Variants in ITGA9 observed in about 807,000 individuals in gnomAD.
The protein encoded by ITGA9 is integrin subunit alpha 9.
ITGA9 carries 56 observed loss-of-function variants against 127.8 expected under a neutral mutation model. The ratio of observed to expected loss-of-function variants is 0.44; its 90% CI spans 0.35 to 0.55. The LOEUF is 0.55. ITGA9 is among the 20% of genes least tolerant of loss of function. The pLI, the probability that ITGA9 is intolerant of heterozygous loss-of-function variation, is 0.00. For synonymous variants in ITGA9, 508 were observed against 514.5 expected, an observed-to-expected ratio of 0.99 and a Z score of 0.17; for missense variants, 1,196 against 1,347.1, an observed-to-expected ratio of 0.89 and a Z score of 1.76.
At chr3:37,512,125 TTTTC>T in intron 8 of ITGA9, among the ~76,000 whole-genome samples, 6 of 12,414 alleles carry the variant, frequency 4.8e-4, no homozygotes, top group Non-Finnish European at 1.0e-3. Flanking sequence ...TCCTTCTTTC[TTTTC>T]TTTTCTTTTC....
intron 17 of ITGA9, 69 bp from the exon 18 acceptor site, chr3:37,683,795 TA>T: frequency 6.5e-7 from 1 of 1,528,150 alleles, no homozygotes; most frequent in South Asian, 1.1e-5. Context: ...CACCTTCAAC[TA>T]CCCCCTGTGC....
chr3:37,640,702 C>T (rs1700323769), intron 16 of ITGA9, among the ~76,000 whole-genome samples: 1 of 152,208 alleles, frequency 6.6e-6, no homozygotes, highest in Non-Finnish European at 1.5e-5. Context: ...CAGCCCACAC[C>T]TCCAGAACCC....
At chr3:37,514,024 T>G in intron 9 of ITGA9, 124 bp downstream of exon 9, 1 of 1,143,834 alleles carries the variant, frequency 8.7e-7, no homozygotes, top group Non-Finnish European at 1.3e-6. Context: ...GATGAAAATA[T>G]GTGATATCTG....
At chr3:37,546,371 T>A (rs1699326681) in intron 15 of ITGA9, among the ~76,000 whole-genome samples, 1 of 152,188 alleles carries the variant, frequency 6.6e-6, no homozygotes, top group Non-Finnish European at 1.5e-5. Context: ...GGGAATTGAC[T>A]GGGAACAACT....
At chr3:37,598,897 G>A (rs1007394413) in intron 15 of ITGA9, among the ~76,000 whole-genome samples, 2 of 152,082 alleles carry the variant, frequency 1.3e-5, no homozygotes, top group African/African-American at 4.8e-5. Flanking sequence ...TTGTGGGGAG[G>A]GCTGCACCAG....
At chr3:37,589,817 G>T (rs1027456249) in intron 15 of ITGA9, among the ~76,000 whole-genome samples, 11 of 152,172 alleles carry the variant, frequency 7.2e-5, no homozygotes, top group African/African-American at 2.7e-4. Flanking sequence ...AGGCCTGACC[G>T]TGTAGGGCCT....
intron 23 of ITGA9, among the ~76,000 whole-genome samples, chr3:37,771,688 C>G (rs1396154570): frequency 6.6e-6 from 1 of 152,192 alleles, no homozygotes; most frequent in Non-Finnish European, 1.5e-5. Flanking sequence ...TCGCAGCTGC[C>G]TTCCAGAAAC....
chr3:37,589,144 G>T (rs1699788281), intron 15 of ITGA9, among the ~76,000 whole-genome samples: 1 of 152,174 alleles, frequency 6.6e-6, no homozygotes, highest in African/African-American at 2.4e-5. Context: ...TGTGTAGGTG[G>T]AAGATGAGAT....
intron 26 of ITGA9, among the ~76,000 whole-genome samples, chr3:37,792,375 T>C (rs1697121871): frequency 6.6e-6 from 1 of 152,188 alleles, no homozygotes; most frequent in African/African-American, 2.4e-5. Context: ...GAATTCTATT[T>C]CCAGTTGAGG....
intron 23 of ITGA9, among the ~76,000 whole-genome samples, chr3:37,774,226 A>G (rs911609221): frequency 1.3e-5 from 2 of 152,212 alleles, no homozygotes; most frequent in Non-Finnish European, 2.9e-5. Context: ...ATGGGCTTTC[A>G]AATATTTATT....
intron 17 of ITGA9, among the ~76,000 whole-genome samples, chr3:37,670,732 C>T (rs887119984): frequency 6.6e-6 from 1 of 152,154 alleles, no homozygotes; most frequent in Non-Finnish European, 1.5e-5. Context: ...TGCTAAACTA[C>T]ACATTTGTGC....
chr3:37,522,984 G>A (rs1377205662), intron 11 of ITGA9, among the ~76,000 whole-genome samples: 1 of 152,170 alleles, frequency 6.6e-6, no homozygotes, highest in East Asian at 1.9e-4. Flanking sequence ...TAGATCATCT[G>A]GTTGGCTGGA....
chr3:37,497,598 C>T (rs982852076), intron 5 of ITGA9, among the ~76,000 whole-genome samples: 2 of 152,164 alleles, frequency 1.3e-5, no homozygotes, highest in African/African-American at 2.4e-5. Flanking sequence ...AAACTAACTA[C>T]GTTATTTTTC....
intron 8 of ITGA9, among the ~76,000 whole-genome samples, chr3:37,512,191 T>C (rs567967554): frequency 1.9e-5 from 1 of 51,822 alleles, no homozygotes; most frequent in East Asian, 6.8e-4. Flanking sequence ...TTTCTTTTCT[T>C]TTCTTTTCTT....
At chr3:37,555,490 C>T (rs1475817886) in intron 15 of ITGA9, among the ~76,000 whole-genome samples, 1 of 152,200 alleles carries the variant, frequency 6.6e-6, no homozygotes, top group African/African-American at 2.4e-5. Context: ...ACACATGTGG[C>T]TAGTGGCTAC....
intron 18 of ITGA9, among the ~76,000 whole-genome samples, chr3:37,710,959 A>G (rs1559575380): frequency 6.6e-6 from 1 of 152,206 alleles, no homozygotes; most frequent in East Asian, 1.9e-4. Flanking sequence ...GTCAAAACCT[A>G]GTAGCTTAAA....
intron 21 of ITGA9, among the ~76,000 whole-genome samples, chr3:37,743,520 G>T (rs1297443997): frequency 6.6e-6 from 1 of 152,222 alleles, no homozygotes; most frequent in Non-Finnish European, 1.5e-5. Flanking sequence ...TTGTCATAGA[G>T]TGGGGTTTAG....
intron 15 of ITGA9, among the ~76,000 whole-genome samples, chr3:37,579,398 C>T (rs1699682170): frequency 1.3e-5 from 2 of 152,110 alleles, no homozygotes; most frequent in Admixed American, 6.5e-5. Context: ...GAGCTCCAGC[C>T]ATCACATCCA....
intron 15 of ITGA9, among the ~76,000 whole-genome samples, chr3:37,568,151 C>A (rs1374069510): frequency 6.6e-6 from 1 of 152,246 alleles, no homozygotes; most frequent in African/African-American, 2.4e-5. Context: ...GCAGAGGTTC[C>A]CAAACCTTAA....
Sources: gnomAD v4.1 joint callset for allele counts (sites outside exome capture counted in the v4.1 genomes callset) on GRCh38, gnomAD v4.1.1 for gene constraint, MANE v1.5 for transcripts, NCBI Gene and HGNC (gene_info 2026-07-23, HGNC 2026-07-21) for gene names.